Variants in RHOD observed in about 807,000 individuals in gnomAD.
RHOD encodes the protein ras homolog family member D.
A neutral mutation model predicts 16.7 loss-of-function variants in RHOD; 11 were observed. The observed-to-expected ratio is 0.66, with a 90% CI of 0.41 to 1.09. The LOEUF (loss-of-function observed/expected upper bound fraction) is 1.09, where lower values mean the gene tolerates loss of function less well. RHOD is among the 50% of genes least tolerant of loss of function. The pLI, the probability that RHOD is intolerant of heterozygous loss-of-function variation, is 0.00. For synonymous variants in RHOD, 124 were observed against 126.3 expected, an observed-to-expected ratio of 0.98 and a Z score of 0.12; for missense variants, 271 against 291.7, an observed-to-expected ratio of 0.93 and a Z score of 0.52.
At chr11:67,058,654 T>C (rs558356565) in intron 1 of RHOD, among the ~76,000 whole-genome samples, 20 of 152,134 alleles carry the variant, frequency 1.3e-4, no homozygotes, top group South Asian at 1.0e-3. Flanking sequence ...CCCCTGGGGT[T>C]GTATAGGTGC....
intron 4 of RHOD, 132 bp from the exon 5 acceptor site, chr11:67,071,303 G>A: frequency 1.4e-6 from 1 of 714,968 alleles, no homozygotes. Flanking sequence ...AGGGCGCTTG[G>A]GCAAGCAGGG....
chr11:67,067,349 G>A (rs1854971222), intron 3 of RHOD, among the ~76,000 whole-genome samples: 1 of 152,116 alleles, frequency 6.6e-6, no homozygotes, highest in Admixed American at 6.6e-5. Context: ...TGCTGCCAGG[G>A]CCTCCGAGTT....
At chr11:67,061,419 G>A (rs1021750593) in intron 1 of RHOD, among the ~76,000 whole-genome samples, 1 of 152,068 alleles carries the variant, frequency 6.6e-6, no homozygotes. Flanking sequence ...GATCACCTGA[G>A]GTCGGAAGTT....
chr11:67,066,738 G>A lies in RHOD; in HGVS notation c.221G>A (p.Gly74Glu), dbSNP rs1181130470. 2 of 1,606,380 alleles carry A rather than the reference G, an allele frequency of 1.2e-6. No homozygotes were observed. The highest frequency in any genetic ancestry group is 1.3e-5 in the African/African-American group (1 of 74,852). The change falls in exon 3 of 5, where the codon GGG becomes GAG. Residue 74 changes from glycine to glutamate, a missense_variant and splice_region_variant. Gly to Glu is a moderately conservative substitution (Grantham distance 98). Transcript: ENST00000308831. ...PVHLHIWDTA[G>E]QDDYDRLRPL... ...CAGTGACCACCTCCACTCTGCCCAG[G>A]GCAAGATGACTATGACCGCCTGCGG...
At chr11:67,070,267 A>G in intron 3 of RHOD, 158 bp from the exon 4 acceptor site, 1 of 798,870 alleles carries the variant, frequency 1.3e-6, no homozygotes, top group Non-Finnish European at 2.1e-6. Flanking sequence ...AAATTCTTAG[A>G]TGAGGTTCTG....
chr11:67,058,643 G>A (rs1371581917), intron 1 of RHOD, among the ~76,000 whole-genome samples: 1 of 152,122 alleles, frequency 6.6e-6, no homozygotes, highest in South Asian at 2.1e-4. Flanking sequence ...CATCCTCTAA[G>A]CCCCTGGGGT....
intron 3 of RHOD, among the ~76,000 whole-genome samples, chr11:67,068,861 A>G (rs920489976): frequency 6.6e-6 from 1 of 151,918 alleles, no homozygotes; most frequent in African/African-American, 2.4e-5. Flanking sequence ...AACCTTTCTC[A>G]TGGGCAGTTT....
intron 1 of RHOD, among the ~76,000 whole-genome samples, chr11:67,059,400 G>A (rs930563544): frequency 1.3e-5 from 2 of 151,988 alleles, no homozygotes; most frequent in African/African-American, 2.4e-5. Flanking sequence ...AAAATTACCC[G>A]GGCATAGTGG....
chr11:67,064,368 G>C (rs569264598), intron 1 of RHOD, among the ~76,000 whole-genome samples: 1 of 149,540 alleles, frequency 6.7e-6, no homozygotes, highest in Non-Finnish European at 1.5e-5. Context: ...TCACGCCATT[G>C]CACTGCAGCC....
chr11:67,066,890 C>A, intron 3 of RHOD, 43 bp downstream of exon 3: 1 of 1,304,058 alleles, frequency 7.7e-7, no homozygotes, highest in Non-Finnish European at 1.1e-6. Context: ...CATAGCCAGG[C>A]CACTCCACTC....
At chr11:67,064,266 C>T (rs1247786885) in intron 1 of RHOD, among the ~76,000 whole-genome samples, 1 of 147,946 alleles carries the variant, frequency 6.8e-6, no homozygotes, top group Non-Finnish European at 1.5e-5. Context: ...ATTAGCCGGG[C>T]GTGGTGGCGG....
chr11:67,060,882 G>T (rs537811400), intron 1 of RHOD, among the ~76,000 whole-genome samples: 124 of 152,344 alleles, frequency 8.1e-4, no homozygotes, highest in African/African-American at 2.9e-3. Flanking sequence ...TGACTGAGTG[G>T]GTGGTCAAGC....
chr11:67,058,636 C>T (rs940240939), intron 1 of RHOD, among the ~76,000 whole-genome samples: 2 of 152,152 alleles, frequency 1.3e-5, no homozygotes, highest in Admixed American at 6.6e-5. Context: ...TTCCCAGCAT[C>T]CTCTAAGCCC....
intron 1 of RHOD, among the ~76,000 whole-genome samples, chr11:67,063,640 G>A (rs1473360605): frequency 1.2e-4 from 18 of 147,044 alleles, no homozygotes; most frequent in Admixed American, 2.0e-4. Flanking sequence ...TCTACTAAAA[G>A]TACAAAAAAT....
Position 67,056,881 on chromosome 11 carries a change from C to CCGCT in RHOD, c.-20_-17dup. ...CTCTGCGCCGCAGCCGCCCGCCCGCCCGCTCAGCGCCCGGCCCCGGGATGA... is the reference window on the plus strand; with the variant it reads ...CTCTGCGCCGCAGCCGCCCGCCCGCCCGCTCGCTCAGCGCCCGGCCCCGGGATGA... On this transcript the variant is annotated 5_prime_UTR_variant, in exon 1 of 5. Transcript: ENST00000308831. 2.9e-6 allele frequency: 4 copies of CCGCT among 1,377,840 alleles called. No individual in the cohort carries two copies. The highest frequency in any genetic ancestry group is 3.4e-5 in the South Asian group (2 of 59,094). The allele number at this position is 1,377,840 out of a possible 1,614,324, so 85.4% of individuals were successfully genotyped here. A position where few individuals can be genotyped will look rare whatever the true frequency, so the allele number is the denominator to read the frequency against.
rs1565351780 is a variant in RHOD at position 67,064,918 on chromosome 11, G to GA, written c.133-970dup. Reference sequence around the variant, plus strand: ...GGAAACACAGGGAGACCCTGTCTGTGAAAAAAAAGAAAAACGGGAGTCCCC... The same window carrying GA: ...GGAAACACAGGGAGACCCTGTCTGTGAAAAAAAAAGAAAAACGGGAGTCCCC... On this transcript the variant is annotated intron_variant, in intron 1 of 4. Transcript: ENST00000308831. Among the ~76,000 whole-genome samples the GA allele has an allele frequency of 3.3e-5, 5 of 151,386 alleles. No individual in the cohort carries two copies. The South Asian group carries it at 1.0e-3, about 31-fold the overall frequency.
At chr11:67,058,279 G>A (rs953861434) in intron 1 of RHOD, among the ~76,000 whole-genome samples, 1 of 152,220 alleles carries the variant, frequency 6.6e-6, no homozygotes, top group African/African-American at 2.4e-5. Flanking sequence ...AGGTTCAAGC[G>A]ATTCTCCCGC....
At chr11:67,058,833 C>A (rs886230959) in intron 1 of RHOD, among the ~76,000 whole-genome samples, 1 of 152,196 alleles carries the variant, frequency 6.6e-6, no homozygotes, top group African/African-American at 2.4e-5. Context: ...GCTGGTGTCA[C>A]CTCCTTTGAC....
chr11:67,062,942 A>G (rs1854910257), intron 1 of RHOD, among the ~76,000 whole-genome samples: 3 of 152,164 alleles, frequency 2.0e-5, no homozygotes, highest in Admixed American at 2.0e-4. Flanking sequence ...TCATTCCTGC[A>G]TTTTCATCTG....
Sources: gnomAD v4.1 joint callset for allele counts (sites outside exome capture counted in the v4.1 genomes callset) on GRCh38, gnomAD v4.1.1 for gene constraint, MANE v1.5 for transcripts, NCBI Gene and HGNC (gene_info 2026-07-23, HGNC 2026-07-21) for gene names.